MGAT4A: variants seen among roughly 807,000 people sequenced by gnomAD.
The protein encoded by MGAT4A is N-acetylglucosaminyltransferase IVa.
MGAT4A carries 33 observed loss-of-function variants against 74.1 expected under a neutral mutation model. The observed-to-expected ratio is 0.45, with a 90% CI of 0.34 to 0.60. The LOEUF is 0.60. MGAT4A is among the 20% of genes least tolerant of loss of function. The probability of loss-of-function intolerance (pLI) is 0.02; values close to 1 mark genes in which losing one functional copy is unlikely to be tolerated. For synonymous variants in MGAT4A, 198 were observed against 210.4 expected, an observed-to-expected ratio of 0.94 and a Z score of 0.51; for missense variants, 479 against 628.3, an observed-to-expected ratio of 0.76 and a Z score of 2.54.
intron 2 of MGAT4A, among the ~76,000 whole-genome samples, chr2:98,689,584 A>G (rs1230385494): frequency 6.6e-6 from 1 of 152,150 alleles, no homozygotes; most frequent in African/African-American, 2.4e-5. Context: ...AACACTTTGG[A>G]GGCTGAAGCG....
intron 2 of MGAT4A, among the ~76,000 whole-genome samples, chr2:98,682,189 G>A (rs566272100): frequency 2.6e-5 from 4 of 152,094 alleles, no homozygotes; most frequent in South Asian, 2.1e-4. Context: ...TTGGGAGGCC[G>A]AGGTGGGCAG....
chr2:98,713,116 A>G (rs544794593), intron 2 of MGAT4A, among the ~76,000 whole-genome samples: 48 of 141,308 alleles, frequency 3.4e-4, no homozygotes, highest in African/African-American at 1.1e-3. Context: ...GAGCCTGGAG[A>G]TGGAGGATGC....
In MGAT4A at chr2:98,678,478, G is replaced by A. The variant is rs770551777; in HGVS notation, c.95-7C>T. On this transcript the variant is annotated splice_polypyrimidine_tract_variant and splice_region_variant and intron_variant, in intron 2 of 15. Coordinates refer to ENST00000393487, the MANE Select transcript of MGAT4A (RefSeq NM_012214.3). ...TGATAAGCAATCAGTTTTTCTAGAA[G>A]CAAAACCAAAACAGTTATAGTATAT... is the stretch of plus-strand genomic sequence containing the variant. 1 of 1,556,676 alleles carries A rather than the reference G, an allele frequency of 6.4e-7. No homozygotes were observed. Among genetic ancestry groups the A allele is most frequent in the Non-Finnish European group, 8.7e-7 (1 of 1,143,082 alleles).
At chr2:98,650,019 C>A (rs1701554588) in intron 8 of MGAT4A, among the ~76,000 whole-genome samples, 1 of 152,082 alleles carries the variant, frequency 6.6e-6, no homozygotes, top group Non-Finnish European at 1.5e-5. Context: ...AGAGCAGAGA[C>A]AGACAACTAA....
intron 8 of MGAT4A, among the ~76,000 whole-genome samples, chr2:98,648,249 A>G (rs751342572): frequency 1.6e-4 from 25 of 152,328 alleles, no homozygotes; most frequent in Middle Eastern, 3.4e-3. Flanking sequence ...CTGTAATCCC[A>G]GCACTTTGTG....
At chr2:98,655,844 C>T (rs1347412455) in intron 7 of MGAT4A, 6 of 198,036 alleles carry the variant, frequency 3.0e-5, no homozygotes, top group Non-Finnish European at 5.1e-5. Flanking sequence ...AAATATCCAA[C>T]GGTAAAGACA....
chr2:98,674,662 A>G (rs1701954762), intron 4 of MGAT4A, among the ~76,000 whole-genome samples: 1 of 152,226 alleles, frequency 6.6e-6, no homozygotes, highest in Admixed American at 6.5e-5. Context: ...CTCTGTAGGA[A>G]AAGTGGGGCA....
At chr2:98,677,620 T>C (rs545107981) in intron 3 of MGAT4A, among the ~76,000 whole-genome samples, 1 of 151,918 alleles carries the variant, frequency 6.6e-6, no homozygotes, top group Admixed American at 6.6e-5. Context: ...GCCCGGCTAA[T>C]TTTTGTATTT....
chr2:98,625,111 TAATA>T lies in MGAT4A; in HGVS notation c.*451_*454del. 1 of 895,264 alleles carries T rather than the reference TAATA, an allele frequency of 1.1e-6. No individual in the cohort carries two copies. The highest frequency in any genetic ancestry group is 1.3e-6 in the Non-Finnish European group (1 of 747,888). The allele number at this position is 895,264 out of a possible 1,614,324, so 55.5% of individuals were successfully genotyped here. ...AAAATATGTACTTCTTAAGTGTTTC[TAATA>T]AATTAATTCCATAACATTTTTATGT... On this transcript the variant is annotated 3_prime_UTR_variant, in exon 16 of 16. Coordinates refer to ENST00000393487, the MANE Select transcript of MGAT4A (RefSeq NM_012214.3).
chr2:98,711,996 G>A (rs933667804), intron 2 of MGAT4A, among the ~76,000 whole-genome samples: 4 of 152,160 alleles, frequency 2.6e-5, no homozygotes, highest in Non-Finnish European at 2.9e-5. Context: ...AATTCCTGCC[G>A]AGCCCTTCAG....
At chr2:98,638,202 A>G (rs1242952454) in intron 12 of MGAT4A, among the ~76,000 whole-genome samples, 1 of 152,232 alleles carries the variant, frequency 6.6e-6, no homozygotes, top group Non-Finnish European at 1.5e-5. Context: ...ACAGTTTAAT[A>G]GATTTTTTGC....
rs1347991327 is a variant in MGAT4A, at chr2:98,731,111, T to G, written c.-299A>C. 1 of 68,176 alleles carries G rather than the reference T, an allele frequency of 1.5e-5. No homozygotes were observed. Among genetic ancestry groups the G allele is most frequent in the Non-Finnish European group, 2.5e-5 (1 of 40,444 alleles). The allele number at this position is 68,176 out of a possible 1,614,324, so 4.2% of individuals were successfully genotyped here. A position where few individuals can be genotyped will look rare whatever the true frequency, so the allele number is the denominator to read the frequency against. On this transcript the variant is annotated 5_prime_UTR_variant, in exon 1 of 16. Coordinates refer to ENST00000393487, the MANE Select transcript of MGAT4A (RefSeq NM_012214.3). The surrounding 1 kb of genome is among the most constrained non-coding windows in gnomAD (Gnocchi z 4.8). ...GAGCTGCTGTAGCCGCCGCCGCCGCTGCCGCCGCCGCTGCGGGCCGCCCCG... is the reference window on the plus strand; with the variant it reads ...GAGCTGCTGTAGCCGCCGCCGCCGCGGCCGCCGCCGCTGCGGGCCGCCCCG...
In MGAT4A at chr2:98,723,390, G is replaced by A. The variant is rs115694749; in HGVS notation, c.94+2849C>T. Among the ~76,000 whole-genome samples, 987 of 152,238 alleles carry A rather than the reference G, an allele frequency of 6.5e-3. 3 individuals are homozygous for A. The highest frequency in any genetic ancestry group is 0.022 in the African/African-American group (931 of 41,532). ...GAGAGAGGGGTCACCTGGGTACAAC[G>A]TAGCAGTTACGTCAGACTAGGACAC... On this transcript the variant is annotated intron_variant, in intron 2 of 15. Transcript: ENST00000393487.
chr2:98,678,251 T>TAA (rs1702008501), intron 3 of MGAT4A, 53 bp downstream of exon 3: 2 of 210,822 alleles, frequency 9.5e-6, no homozygotes, highest in African/African-American at 2.8e-5. Flanking sequence ...AAAAAAAAAA[T>TAA]ATATATATAT....
intron 5 of MGAT4A, among the ~76,000 whole-genome samples, chr2:98,659,168 C>T (rs1250527750): frequency 6.6e-6 from 1 of 152,154 alleles, no homozygotes; most frequent in Non-Finnish European, 1.5e-5. Context: ...CAGAGATAAA[C>T]ATCATTAGCT....
At chr2:98,698,930 C>T (rs1702313207) in intron 2 of MGAT4A, among the ~76,000 whole-genome samples, 1 of 152,174 alleles carries the variant, frequency 6.6e-6, no homozygotes, top group Non-Finnish European at 1.5e-5. Context: ...ACAAACTGTA[C>T]TATAATTACA....
At chr2:98,699,143 A>G (rs1160401535) in intron 2 of MGAT4A, among the ~76,000 whole-genome samples, 3 of 152,214 alleles carry the variant, frequency 2.0e-5, no homozygotes, top group Admixed American at 2.0e-4. Context: ...TCCTTCCCAC[A>G]GTAGCGAGTG....
intron 14 of MGAT4A, among the ~76,000 whole-genome samples, chr2:98,632,624 T>C (rs1340084741): frequency 2.0e-5 from 3 of 152,254 alleles, no homozygotes; most frequent in Admixed American, 1.3e-4. Flanking sequence ...GAGCTCTCTG[T>C]TCTTCTGGCC....
chr2:98,656,578 A>T (rs1245445839), intron 6 of MGAT4A, 113 bp from the exon 7 acceptor site: 2 of 665,802 alleles, frequency 3.0e-6, no homozygotes, highest in Admixed American at 6.3e-5. Flanking sequence ...GTAGCAACGT[A>T]TAATGTTATG....
Sources: allele counts gnomAD v4.1 joint callset (sites outside exome capture counted in the v4.1 genomes callset), GRCh38; gene constraint gnomAD v4.1.1; non-coding constraint Gnocchi (gnomAD v3.1); transcripts MANE v1.5; gene names NCBI Gene and HGNC (gene_info 2026-07-23, HGNC 2026-07-21).